HDAC4: variants seen among roughly 807,000 people sequenced by gnomAD.
HDAC4 encodes histone deacetylase 4.
HDAC4 carries 16 observed loss-of-function variants against 135.1 expected under a neutral mutation model. The observed-to-expected ratio is 0.12, with a 90% confidence interval of 0.08 to 0.18. The LOEUF (loss-of-function observed/expected upper bound fraction) is 0.18. Among genes scored for constraint, HDAC4 ranks in the 10% least tolerant of loss-of-function variants. The pLI is 1.00. For synonymous variants in HDAC4, 685 were observed against 653.4 expected, an observed-to-expected ratio of 1.05 and a Z score of -0.74; for missense variants, 1,143 against 1,511.8, an observed-to-expected ratio of 0.76 and a Z score of 4.05.
chr2:239,305,892 C>T (rs1031872715), intron 2 of HDAC4, among the ~76,000 whole-genome samples: 3 of 152,254 alleles, frequency 2.0e-5, no homozygotes, highest in Non-Finnish European at 2.9e-5. Context: ...GCTGCCCACA[C>T]GGGCCCTGAA....
In HDAC4 at chr2:239,066,716, T is replaced by C. The variant is rs1462990656; in HGVS notation, c.3003+6A>G. 2.5e-6 allele frequency: 4 copies of C among 1,613,668 alleles called. No individual in the cohort carries two copies. The Admixed American group carries it at 5.0e-5, about 20-fold the overall frequency. ...GCATCCTGTGGGGTCTCTGGGGTCT[T>C]CCTACCTCGTTTCCCAGCAAGGCAG... is the stretch of plus-strand genomic sequence containing the variant. On this transcript the variant is annotated splice_donor_region_variant and intron_variant, in intron 24 of 26. Transcript: ENST00000543185.
At chr2:239,098,750 T>C (rs185161876) in intron 16 of HDAC4, among the ~76,000 whole-genome samples, 41 of 152,312 alleles carry the variant, frequency 2.7e-4, no homozygotes, top group African/African-American at 9.6e-4. Flanking sequence ...CTCATTAGGG[T>C]TATGTTCACA....
intron 12 of HDAC4, among the ~76,000 whole-genome samples, chr2:239,123,671 C>G (rs1315974570): frequency 6.6e-6 from 1 of 152,222 alleles, no homozygotes; most frequent in Non-Finnish European, 1.5e-5. Context: ...TGCGCCAGGG[C>G]TGAGCTGACT....
chr2:239,382,788 G>A lies in HDAC4; in HGVS notation c.-220+18190C>T, dbSNP rs138753290. Among the ~76,000 whole-genome samples, 768 of 151,978 alleles carry A rather than the reference G, an allele frequency of 5.1e-3. 3 individuals are homozygous for A. Among genetic ancestry groups the A allele is most frequent in the Non-Finnish European group, 7.9e-3 (536 of 67,976 alleles). ...TGCCCAGGCTGGAGTGCAATGTTGC[G>A]GTCCCGGCTCACTGCAACCTCAGCC... is the stretch of plus-strand genomic sequence containing the variant. On this transcript the variant is annotated intron_variant, in intron 1 of 26. Coordinates refer to ENST00000543185, the MANE Select transcript of HDAC4 (RefSeq NM_001378414.1).
At chr2:239,190,146 A>T in intron 3 of HDAC4, 69 bp from the exon 4 acceptor site, 1 of 1,357,296 alleles carries the variant, frequency 7.4e-7, no homozygotes, top group Non-Finnish European at 9.7e-7. Context: ...CAGAGCCCCC[A>T]CCCAACACAC....
chr2:239,201,375 G>A (rs1282641318), intron 3 of HDAC4, among the ~76,000 whole-genome samples: 3 of 152,190 alleles, frequency 2.0e-5, no homozygotes, highest in Admixed American at 6.5e-5. Context: ...CATCCCTGAG[G>A]CCTCAGAACT....
intron 2 of HDAC4, among the ~76,000 whole-genome samples, chr2:239,256,702 T>C (rs2049069752): frequency 6.6e-6 from 1 of 152,244 alleles, no homozygotes; most frequent in Admixed American, 6.5e-5. Context: ...AGGGACTGGA[T>C]GGGCAGATGA....
rs754460970 is a variant in HDAC4, at chr2:239,262,606, T to G, written c.23-25942A>C. ...CACTCTTGGCCAAATGTCCCCATCC[T>G]CAGCCTGGCTCCATTTTCTGGGCAA... is the stretch of plus-strand genomic sequence containing the variant. On this transcript the variant is annotated intron_variant, in intron 2 of 26. Coordinates refer to ENST00000543185, the MANE Select transcript of HDAC4 (RefSeq NM_001378414.1). The surrounding 1 kb of genome is among the most constrained non-coding windows in gnomAD (Gnocchi z 4.1). Among the ~76,000 whole-genome samples, 2 of 152,166 alleles carry G rather than the reference T, an allele frequency of 1.3e-5. No homozygotes were observed. The highest frequency in any genetic ancestry group is 2.9e-5 in the Non-Finnish European group (2 of 68,022).
intron 15 of HDAC4, among the ~76,000 whole-genome samples, chr2:239,105,139 C>T (rs555068487): frequency 7.9e-5 from 12 of 152,350 alleles, no homozygotes; most frequent in Non-Finnish European, 1.5e-4. Flanking sequence ...AGGCTGACCT[C>T]GTTATTTCTG....
At chr2:239,088,097 C>T (rs556878093) in intron 18 of HDAC4, among the ~76,000 whole-genome samples, 1 of 152,342 alleles carries the variant, frequency 6.6e-6, no homozygotes, top group East Asian at 1.9e-4. Flanking sequence ...GTCCTTACTG[C>T]AGTTCAGCTC....
At chr2:239,107,268 C>T (rs1448931059) in intron 15 of HDAC4, among the ~76,000 whole-genome samples, 1 of 152,348 alleles carries the variant, frequency 6.6e-6, no homozygotes, top group East Asian at 1.9e-4. Context: ...CTTCTTGCCT[C>T]CTTGGGCCTG....
chr2:239,211,247 A>G (rs2153097489), intron 3 of HDAC4, among the ~76,000 whole-genome samples: 1 of 152,344 alleles, frequency 6.6e-6, no homozygotes, highest in South Asian at 2.1e-4. Context: ...CTTTCATCCT[A>G]TTTTTAATAT....
intron 2 of HDAC4, among the ~76,000 whole-genome samples, chr2:239,347,660 G>A (rs951097911): frequency 2.0e-5 from 3 of 152,038 alleles, no homozygotes; most frequent in East Asian, 3.9e-4. Flanking sequence ...GACTACAGGC[G>A]CGTGCCACCA....
intron 1 of HDAC4, among the ~76,000 whole-genome samples, chr2:239,376,616 CA>C (rs1268344651): frequency 1.3e-5 from 2 of 152,262 alleles, no homozygotes; most frequent in African/African-American, 4.8e-5. Flanking sequence ...ACACCCGCCC[CA>C]GGGGGAGGTG....
intron 1 of HDAC4, among the ~76,000 whole-genome samples, chr2:239,389,466 A>G (rs544828217): frequency 2.0e-5 from 3 of 152,178 alleles, no homozygotes; most frequent in Admixed American, 6.5e-5. Context: ...CTCCGGACAC[A>G]CCATCTTTAA....
chr2:239,194,112 A>G (rs2045201181), intron 3 of HDAC4, among the ~76,000 whole-genome samples: 1 of 152,188 alleles, frequency 6.6e-6, no homozygotes. Flanking sequence ...GCCAGCATTC[A>G]TCATTGAGCG....
intron 1 of HDAC4, among the ~76,000 whole-genome samples, chr2:239,358,689 C>G (rs1325996170): frequency 2.0e-5 from 3 of 152,218 alleles, no homozygotes; most frequent in Non-Finnish European, 2.9e-5. Flanking sequence ...CCCAACATCA[C>G]AAGGTGTATT....
intron 24 of HDAC4, among the ~76,000 whole-genome samples, chr2:239,062,914 G>A (rs2032966598): frequency 6.6e-6 from 1 of 152,072 alleles, no homozygotes; most frequent in East Asian, 1.9e-4. Context: ...GTCCCCTCTC[G>A]GCACCCCTCT....
chr2:239,288,297 T>C (rs2051252717), intron 2 of HDAC4, among the ~76,000 whole-genome samples: 1 of 152,208 alleles, frequency 6.6e-6, no homozygotes, highest in African/African-American at 2.4e-5. Flanking sequence ...CAGCTATCCA[T>C]GAACTTAACT....
Sources: gnomAD v4.1 joint callset for allele counts (sites outside exome capture counted in the v4.1 genomes callset) on GRCh38, gnomAD v4.1.1 for gene constraint, Gnocchi (gnomAD v3.1) non-coding constraint, MANE v1.5 for transcripts, NCBI Gene and HGNC (gene_info 2026-07-23, HGNC 2026-07-21) for gene names.